CDYL2: variants seen among roughly 807,000 people sequenced by gnomAD.
CDYL2 encodes chromodomain Y like 2, also known as chromodomain Y-like protein 2.
In CDYL2, 23 loss-of-function variants were observed where a neutral mutation model predicts 49.4. The ratio of observed to expected loss-of-function variants is 0.47; its 90% CI spans 0.34 to 0.66. The LOEUF (loss-of-function observed/expected upper bound fraction) is 0.66, where lower values mean the gene tolerates loss of function less well. CDYL2 is among the 30% of genes least tolerant of loss of function. The probability of loss-of-function intolerance (pLI) is 0.01; values close to 1 mark genes in which losing one functional copy is unlikely to be tolerated. For synonymous variants in CDYL2, 360 were observed against 268.8 expected, an observed-to-expected ratio of 1.34 and a Z score of -3.32; for missense variants, 678 against 656.4, an observed-to-expected ratio of 1.03 and a Z score of -0.36.
intron 2 of CDYL2, among the ~76,000 whole-genome samples, chr16:80,668,166 C>T (rs1909349279): frequency 6.6e-6 from 1 of 152,208 alleles, no homozygotes; most frequent in African/African-American, 2.4e-5. Context: ...AAATCCCAAG[C>T]AGCCAAAAAC....
At chr16:80,677,405 C>A (rs370839353) in intron 2 of CDYL2, among the ~76,000 whole-genome samples, 1 of 152,098 alleles carries the variant, frequency 6.6e-6, no homozygotes, top group Non-Finnish European at 1.5e-5. Context: ...TTAGTCACAG[C>A]GTTTCAGGCT....
chr16:80,751,649 A>G (rs1444925543), intron 1 of CDYL2, among the ~76,000 whole-genome samples: 1 of 152,220 alleles, frequency 6.6e-6, no homozygotes, highest in Non-Finnish European at 1.5e-5. Flanking sequence ...TCAAAGAAGG[A>G]TAATAGGCTC....
At chr16:80,711,875 T>G (rs905964766) in intron 1 of CDYL2, among the ~76,000 whole-genome samples, 1 of 152,008 alleles carries the variant, frequency 6.6e-6, no homozygotes, top group Admixed American at 6.5e-5. Flanking sequence ...AGTATGGCAC[T>G]GCGGAATAGA....
At chr16:80,795,197 G>C (rs1403232291) in intron 1 of CDYL2, among the ~76,000 whole-genome samples, 1 of 152,160 alleles carries the variant, frequency 6.6e-6, no homozygotes, top group Non-Finnish European at 1.5e-5. Flanking sequence ...CTCAATAGAG[G>C]AATCTGTAGT....
intron 1 of CDYL2, among the ~76,000 whole-genome samples, chr16:80,726,421 GA>G (rs1439145480): frequency 2.6e-5 from 4 of 152,120 alleles, no homozygotes; most frequent in Middle Eastern, 3.4e-3. Flanking sequence ...ATTGAATTCT[GA>G]AAAAAATTTC....
intron 1 of CDYL2, among the ~76,000 whole-genome samples, chr16:80,691,451 G>A (rs1215580703): frequency 6.6e-6 from 1 of 152,182 alleles, no homozygotes; most frequent in Non-Finnish European, 1.5e-5. Flanking sequence ...AAGAAGTTTG[G>A]CTCAGAGCCA....
At chr16:80,729,263 A>G (rs1905254226) in intron 1 of CDYL2, among the ~76,000 whole-genome samples, 1 of 151,994 alleles carries the variant, frequency 6.6e-6, no homozygotes, top group East Asian at 1.9e-4. Flanking sequence ...AAGATCTACC[A>G]AGCAAATGGA....
intron 4 of CDYL2, among the ~76,000 whole-genome samples, chr16:80,614,481 C>G (rs1222499098): frequency 6.6e-6 from 1 of 152,244 alleles, no homozygotes; most frequent in East Asian, 1.9e-4. Flanking sequence ...CAGCCACAGG[C>G]TGATGGTGAC....
chr16:80,608,428 A>G (rs1906443749), intron 5 of CDYL2, among the ~76,000 whole-genome samples, 193 bp from the exon 6 acceptor site: 1 of 152,220 alleles, frequency 6.6e-6, no homozygotes, highest in Non-Finnish European at 1.5e-5. Context: ...CAGAAGGTCC[A>G]CAGCTTTCAT....
At chr16:80,748,656 T>C (rs190118945) in intron 1 of CDYL2, among the ~76,000 whole-genome samples, 1 of 148,392 alleles carries the variant, frequency 6.7e-6, no homozygotes, top group African/African-American at 2.5e-5. Flanking sequence ...ATAAACAAGA[T>C]AACTATTAGA....
chr16:80,737,668 T>C (rs1051129965), intron 1 of CDYL2, among the ~76,000 whole-genome samples: 19 of 152,130 alleles, frequency 1.2e-4, no homozygotes, highest in Middle Eastern at 3.2e-3. Flanking sequence ...TGCATCAGGA[T>C]CAGGTGAAGG....
At chr16:80,735,290 C>G (rs1198940010) in intron 1 of CDYL2, among the ~76,000 whole-genome samples, 1 of 152,190 alleles carries the variant, frequency 6.6e-6, no homozygotes, top group Non-Finnish European at 1.5e-5. Flanking sequence ...TGTCTCTACT[C>G]CATGTTACAA....
At chr16:80,765,393 A>G (rs985810267) in intron 1 of CDYL2, among the ~76,000 whole-genome samples, 1 of 151,842 alleles carries the variant, frequency 6.6e-6, no homozygotes, top group Non-Finnish European at 1.5e-5. Context: ...AAGAAGTTAC[A>G]TATTTTCAGC....
At chr16:80,664,827 G>A (rs1385071493) in intron 2 of CDYL2, among the ~76,000 whole-genome samples, 1 of 152,132 alleles carries the variant, frequency 6.6e-6, no homozygotes, top group Non-Finnish European at 1.5e-5. Context: ...TTCCATATCC[G>A]TGAAATGGGA....
intron 1 of CDYL2, among the ~76,000 whole-genome samples, chr16:80,759,348 T>A (rs946430621): frequency 6.6e-6 from 1 of 151,912 alleles, no homozygotes; most frequent in African/African-American, 2.4e-5. Flanking sequence ...AAAAGGTTAA[T>A]GTTTTAAAAA....
In CDYL2 at chr16:80,650,178, G is replaced by A. The variant is rs879229610; in HGVS notation, c.617-16942C>T. Among the ~76,000 whole-genome samples, 971 of 152,250 alleles carry A rather than the reference G, an allele frequency of 6.4e-3. 9 individuals are homozygous for A. Among genetic ancestry groups the A allele is most frequent in the South Asian group, 0.017 (84 of 4,822 alleles). ...AAGGAAACAATCAACAAAGTGAAGA[G>A]ACAAGCCACAGAATGGGAGAAAACG... is the stretch of plus-strand genomic sequence containing the variant. On this transcript the variant is annotated intron_variant, in intron 2 of 6. Coordinates refer to ENST00000570137, the MANE Select transcript of CDYL2 (RefSeq NM_152342.4).
intron 1 of CDYL2, among the ~76,000 whole-genome samples, chr16:80,761,574 C>T (rs1032500021): frequency 2.0e-5 from 3 of 152,054 alleles, no homozygotes; most frequent in African/African-American, 4.8e-5. Context: ...GAATCACCTG[C>T]GGAGCCTTTT....
At chr16:80,769,799 A>C (rs1414955881) in intron 1 of CDYL2, among the ~76,000 whole-genome samples, 1 of 152,240 alleles carries the variant, frequency 6.6e-6, no homozygotes, top group African/African-American at 2.4e-5. Flanking sequence ...AAAGAGATTA[A>C]ACTGAAAAAG....
Position 80,734,797 on chromosome 16 carries a change from G to A in CDYL2, c.25-49668C>T, listed in dbSNP as rs1905458594. ...ACTATTACACATTCCCTCTAGAACTGGTTCCTAATTTTGTAACCTGCTGCT... is the reference window on the plus strand; with the variant it reads ...ACTATTACACATTCCCTCTAGAACTAGTTCCTAATTTTGTAACCTGCTGCT... On this transcript the variant is annotated intron_variant, in intron 1 of 6. Transcript: ENST00000570137. 2.0e-5 allele frequency among the ~76,000 whole-genome samples: 3 copies of A among 152,090 alleles called. No individual in the cohort carries two copies. In the South Asian group the frequency reaches 6.2e-4, roughly 32 times the overall value.
Sources: gnomAD v4.1 joint callset for allele counts (sites outside exome capture counted in the v4.1 genomes callset) on GRCh38, gnomAD v4.1.1 for gene constraint, MANE v1.5 for transcripts, NCBI Gene and HGNC (gene_info 2026-07-23, HGNC 2026-07-21) for gene names.